The following EIF3E variants were observed in gnomAD, a reference collection of about 807,000 sequenced individuals.
The protein encoded by EIF3E is eIF-3 p48.
EIF3E carries 25 observed loss-of-function variants against 59.3 expected under a neutral mutation model. That is an observed-to-expected ratio of 0.42 (90% CI 0.31 to 0.59). The LOEUF (loss-of-function observed/expected upper bound fraction) is 0.59. Ranked by LOEUF, EIF3E falls within the 20% of genes least tolerant of loss-of-function variation. The probability of loss-of-function intolerance (pLI) is 0.15; values close to 1 mark genes in which losing one functional copy is unlikely to be tolerated. For synonymous variants in EIF3E, 176 were observed against 170.2 expected (o/e 1.03, Z -0.26); for missense variants, 317 against 534.3 (o/e 0.59, Z 4.01).
chr8:108,209,864 G>T (rs1815174315), intron 10 of EIF3E, among the ~76,000 whole-genome samples: 1 of 152,108 alleles, frequency 6.6e-6, no homozygotes, highest in Non-Finnish European at 1.5e-5. Flanking sequence ...CAGCTTGAAG[G>T]ATCCTTGTGA....
Position 108,230,278 on chromosome 8 carries a change from T to C in EIF3E, c.472-1083A>G, listed in dbSNP as rs564999183. Among the ~76,000 whole-genome samples, 4 of 152,294 alleles carry C rather than the reference T, an allele frequency of 2.6e-5. No individual in the cohort carries two copies. The South Asian group carries it at 8.3e-4, about 32-fold the overall frequency. ...ACCACTTAACAGCTAGTTTGTACTTTAGCTTCCTCACTGCAACATGGGGAT... is the reference window on the plus strand; with the variant it reads ...ACCACTTAACAGCTAGTTTGTACTTCAGCTTCCTCACTGCAACATGGGGAT... On this transcript the variant is annotated intron_variant, in intron 5 of 12. Coordinates refer to ENST00000220849, the MANE Select transcript of EIF3E (RefSeq NM_001568.3).
rs200836231 is a variant in EIF3E at position 108,216,429 on chromosome 8, G to A, written c.934C>T (p.Leu312=). ...ACACTTACTGATTCACATTCCCTCA[G>A]CTTTTTCTGAGCCCCATCAAAGTCA... ...NFDFDGAQKK[L]RECESVLVND... Residue 312 remains leucine (L), a synonymous_variant, in exon 9 of 13, where the codon CTG becomes TTG. Coordinates refer to ENST00000220849, the MANE Select transcript of EIF3E (RefSeq NM_001568.3). 2 of 1,608,206 alleles carry A rather than the reference G, an allele frequency of 1.2e-6. No homozygotes were observed. Among genetic ancestry groups the A allele is most frequent in the Admixed American group, 1.7e-5 (1 of 58,760 alleles).
chr8:108,240,412 T>G (rs1461580762), intron 2 of EIF3E, among the ~76,000 whole-genome samples: 1 of 152,226 alleles, frequency 6.6e-6, no homozygotes, highest in Non-Finnish European at 1.5e-5. Flanking sequence ...CAGAAACTTC[T>G]TTCCAAGTGT....
intron 7 of EIF3E, among the ~76,000 whole-genome samples, chr8:108,223,369 C>T (rs1815456062): frequency 6.6e-6 from 1 of 152,168 alleles, no homozygotes; most frequent in African/African-American, 2.4e-5. Context: ...CCTTGGAGGT[C>T]ATCCTGAGTG....
intron 2 of EIF3E, among the ~76,000 whole-genome samples, 174 bp downstream of exon 2, chr8:108,241,625 G>A (rs907341471): frequency 6.6e-6 from 1 of 152,170 alleles, no homozygotes; most frequent in Non-Finnish European, 1.5e-5. Flanking sequence ...TTCACAGGGA[G>A]AAAACAATAT....
Position 108,241,824 on chromosome 8 carries a change from G to A in EIF3E, c.180C>T (p.Asn60=), listed in dbSNP as rs759971288. The A allele has an allele frequency of 6.3e-7, 1 of 1,590,992 alleles. No homozygotes were observed. Among genetic ancestry groups the A allele is most frequent in the Non-Finnish European group, 8.5e-7 (1 of 1,173,114 alleles). ...CATGAGGAATATCATCAGAATAAAG[G>A]TTTTTGTATACATCCATAGCAAAGT... is the stretch of plus-strand genomic sequence containing the variant. ...MVDFAMDVYK[N]LYSDDIPHAL... The change falls in exon 2 of 13, where the codon AAC becomes AAT. Residue 60 remains asparagine (N), a synonymous_variant. Coordinates refer to ENST00000220849, the MANE Select transcript of EIF3E (RefSeq NM_001568.3).
chr8:108,207,078 G>A (rs1439579762), intron 10 of EIF3E, among the ~76,000 whole-genome samples: 1 of 152,148 alleles, frequency 6.6e-6, no homozygotes, highest in African/African-American at 2.4e-5. Flanking sequence ...AGGAATACTA[G>A]TAAATAATTG....
intron 5 of EIF3E, chr8:108,233,693 A>T: frequency 2.4e-6 from 1 of 409,450 alleles, no homozygotes; most frequent in South Asian, 1.8e-5. Context: ...AAAAAATTAA[A>T]AATTAGCCAT....
At chr8:108,241,967 G>A in intron 1 of EIF3E, 54 bp from the exon 2 acceptor site, 1 of 1,285,608 alleles carries the variant, frequency 7.8e-7, no homozygotes, top group Non-Finnish European at 1.1e-6. Context: ...CAAATAAACT[G>A]ATTAATACTA....
At chr8:108,236,246 A>C in intron 3 of EIF3E, 43 bp from the exon 4 acceptor site, 1 of 1,524,902 alleles carries the variant, frequency 6.6e-7, no homozygotes. Context: ...TAAAGGCCAC[A>C]GAAAACAAAA....
intron 10 of EIF3E, among the ~76,000 whole-genome samples, chr8:108,208,747 C>T (rs539262983): frequency 7.9e-5 from 12 of 152,184 alleles, no homozygotes; most frequent in Admixed American, 7.2e-4. Context: ...CTAATGTATG[C>T]TCCAACATGT....
chr8:108,218,472 C>G (rs1815344380), intron 7 of EIF3E, among the ~76,000 whole-genome samples: 1 of 152,044 alleles, frequency 6.6e-6, no homozygotes. Context: ...TTTAGAGGAC[C>G]CTAGAATTGA....
At chr8:108,246,361 A>G (rs1229507511) in intron 1 of EIF3E, among the ~76,000 whole-genome samples, 1 of 151,936 alleles carries the variant, frequency 6.6e-6, no homozygotes, top group South Asian at 2.1e-4. Context: ...CAAGACTCAA[A>G]GCCTCACCTC....
At chr8:108,237,027 A>T (rs1310154556) in intron 3 of EIF3E, among the ~76,000 whole-genome samples, 2 of 152,164 alleles carry the variant, frequency 1.3e-5, no homozygotes, top group Admixed American at 6.6e-5. Flanking sequence ...GTCTCAAAAA[A>T]AAATAATAAA....
chr8:108,210,669 CAT>C lies in EIF3E; in HGVS notation c.1061+3936_1061+3937del, dbSNP rs781180738. Reference sequence around the variant, plus strand: ...CGTGCAGGTTTGTTACATATGCACACATGTGCCATGTTGGTGTGCTGCACCCA... The same window carrying C: ...CGTGCAGGTTTGTTACATATGCACACGTGCCATGTTGGTGTGCTGCACCCA... On this transcript the variant is annotated intron_variant, in intron 10 of 12. Transcript: ENST00000220849. Among the ~76,000 whole-genome samples the C allele has an allele frequency of 4.6e-5, 7 of 152,256 alleles. No homozygotes were observed. In the East Asian group the frequency reaches 9.7e-4, roughly 21 times the overall value.
chr8:108,243,775 T>A (rs927928759), intron 1 of EIF3E, among the ~76,000 whole-genome samples: 1 of 152,172 alleles, frequency 6.6e-6, no homozygotes, highest in Non-Finnish European at 1.5e-5. Context: ...TGTGTACTTG[T>A]ATGAATGAAC....
chr8:108,216,614 T>G, intron 8 of EIF3E, 101 bp from the exon 9 acceptor site: 2 of 811,984 alleles, frequency 2.5e-6, no homozygotes, highest in Non-Finnish European at 3.9e-6. Flanking sequence ...TCTTTACCAT[T>G]AATTTCTAGC....
chr8:108,236,318 G>C, intron 3 of EIF3E, 115 bp from the exon 4 acceptor site: 1 of 657,838 alleles, frequency 1.5e-6, no homozygotes, highest in Non-Finnish European at 2.6e-6. Context: ...ATACTTAAAT[G>C]TTAAAAGACT....
chr8:108,228,538 CT>C (rs1169929991), intron 6 of EIF3E, 147 bp from the exon 7 acceptor site: 7 of 512,548 alleles, frequency 1.4e-5, no homozygotes, highest in African/African-American at 9.9e-5. Flanking sequence ...GTCCGACCCC[CT>C]ATGCCTTCTC....
Sources: gnomAD v4.1 joint callset for allele counts (sites outside exome capture counted in the v4.1 genomes callset) on GRCh38, gnomAD v4.1.1 for gene constraint, MANE v1.5 for transcripts, NCBI Gene and HGNC (gene_info 2026-07-23, HGNC 2026-07-21) for gene names.